PFKFB3: variants seen among roughly 807,000 people sequenced by gnomAD.
The protein encoded by PFKFB3 is 6-phosphofructo-2-kinase/fructose-2,6-biphosphatase 3.
Under a neutral mutation model 68.0 loss-of-function variants are expected in PFKFB3, and 33 were observed. That is an observed-to-expected ratio of 0.49 (90% confidence interval 0.37 to 0.65). PFKFB3 has a LOEUF of 0.65. Among genes scored for constraint, PFKFB3 ranks in the 30% least tolerant of loss-of-function variants. PFKFB3 has a pLI of 0.00. For missense variants in PFKFB3, 586 were observed against 712.2 expected (o/e 0.82, Z 2.02); for synonymous variants, 315 against 288.2 (o/e 1.09, Z -0.94).
downstream of PFKFB3, among the ~76,000 whole-genome samples, chr10:6,256,814 T>C (rs1352267772): frequency 6.6e-6 from 1 of 152,198 alleles, no homozygotes; most frequent in Non-Finnish European, 1.5e-5. Context: ...GTTCAGATCA[T>C]TGCTGTGGTG....
downstream of PFKFB3, among the ~76,000 whole-genome samples, chr10:6,238,326 G>A (rs1051096762): frequency 1.3e-5 from 2 of 151,666 alleles, no homozygotes; most frequent in East Asian, 1.9e-4. Flanking sequence ...CACTAAGCCC[G>A]GCTAAGTTTT....
intron 1 of PFKFB3, among the ~76,000 whole-genome samples, chr10:6,186,542 G>A (rs1445039352): frequency 1.3e-5 from 2 of 152,196 alleles, no homozygotes; most frequent in Admixed American, 6.5e-5. Flanking sequence ...GTTATCAGGG[G>A]AAACTGAATT....
chr10:6,314,298 G>C, the PFKFB3 span, among the ~76,000 whole-genome samples: 1 of 152,164 alleles, frequency 6.6e-6, no homozygotes, highest in African/African-American at 2.4e-5. Flanking sequence ...GTTCATTGCA[G>C]AAAAATCAGA....
Position 6,216,828 on chromosome 10 carries a change from A to G in PFKFB3, c.441+48A>G, listed in dbSNP as rs530011157. On this transcript the variant is annotated intron_variant, in intron 5 of 14. Transcript: ENST00000379775. ...TGCTAGAGGGCTCGGGAGAGAGGAA[A>G]AGGCTTCAGGAAGCGGCCTGAGTCC... 19 of 1,425,022 alleles carry G rather than the reference A, an allele frequency of 1.3e-5. No individual in the cohort carries two copies. The South Asian group carries it at 2.1e-4, about 16-fold the overall frequency. 88.3% of individuals were successfully genotyped at this position (1,425,022 alleles called of 1,614,324 possible).
chr10:6,170,352 C>A (rs76522118), intron 1 of PFKFB3, among the ~76,000 whole-genome samples: 1 of 152,150 alleles, frequency 6.6e-6, no homozygotes, highest in Non-Finnish European at 1.5e-5. Context: ...TAGACTCACT[C>A]GTTCCCCCAC....
rs1232834393 is a variant in PFKFB3, at chr10:6,228,787, T to A, written c.1515+2422T>A. ...CCGAGTGGAGACCCTTGGGGATCCGTTTGTCCTGGGTTGGAGCCTGCTCAG... is the reference window on the plus strand; with the variant it reads ...CCGAGTGGAGACCCTTGGGGATCCGATTGTCCTGGGTTGGAGCCTGCTCAG... On this transcript the variant is annotated intron_variant, in intron 14 of 14. Coordinates refer to ENST00000379775, the MANE Select transcript of PFKFB3 (RefSeq NM_004566.4). This position sits in a 1 kb window ranked among gnomAD's most constrained non-coding sequence, Gnocchi z 4.5. Among the ~76,000 whole-genome samples the A allele has an allele frequency of 6.6e-6, 1 of 152,180 alleles. No homozygotes were observed. The highest frequency in any genetic ancestry group is 2.4e-5 in the African/African-American group (1 of 41,446).
downstream of PFKFB3, among the ~76,000 whole-genome samples, chr10:6,239,859 A>T (rs983502355): frequency 6.6e-6 from 1 of 152,072 alleles, no homozygotes; most frequent in Non-Finnish European, 1.5e-5. Context: ...TTTTTAGTAG[A>T]GATGGGGTTT....
chr10:6,163,680 ACGGGGGCGTGGCGGGACCGG>A (rs145248506), intron 1 of PFKFB3, among the ~76,000 whole-genome samples: 32,264 of 151,876 alleles, frequency 0.21, 4,141 homozygotes, highest in African/African-American at 0.35. Flanking sequence ...TGCGGGCCCG[ACGGGGGCGTGGCGGGACCGG>A]CGGGGGCGGG....
chr10:6,146,584 C>G (rs1470069615), intron 1 of PFKFB3: 1 of 1,267,950 alleles, frequency 7.9e-7, no homozygotes, highest in Non-Finnish European at 1.1e-6. Flanking sequence ...AGGGGACAAT[C>G]ATTTATCTCT....
At chr10:6,194,303 C>T (rs1459655648) in intron 1 of PFKFB3, among the ~76,000 whole-genome samples, 1 of 152,216 alleles carries the variant, frequency 6.6e-6, no homozygotes, top group Non-Finnish European at 1.5e-5. Flanking sequence ...GCAGAGGTTC[C>T]CTGGAATTGC....
At position 6,233,170 on chromosome 10, in the gene PFKFB3, C is replaced by A; in HGVS notation, c.*228C>A. The A allele has an allele frequency of 1.9e-6, 1 of 540,110 alleles. No individual in the cohort carries two copies. Among genetic ancestry groups the A allele is most frequent in the Non-Finnish European group, 3.3e-6 (1 of 301,646 alleles). 33.5% of individuals were successfully genotyped at this position (540,110 alleles called of 1,614,324 possible). On this transcript the variant is annotated 3_prime_UTR_variant, in exon 15 of 15. Coordinates refer to ENST00000379775, the MANE Select transcript of PFKFB3 (RefSeq NM_004566.4). ...GGCGCCCTGCCTTTAGCCGTGGGGCCCCCACCTCCACTCTCTGGGTTTCCT... is the reference window on the plus strand; with the variant it reads ...GGCGCCCTGCCTTTAGCCGTGGGGCACCCACCTCCACTCTCTGGGTTTCCT...
the PFKFB3 span, chr10:6,294,704 A>T: frequency 6.2e-6 from 1 of 160,734 alleles, no homozygotes; most frequent in East Asian, 1.6e-4. Context: ...ATTCTTCTAG[A>T]CCACAAGGAC....
chr10:6,191,704 G>A (rs1843027002), intron 1 of PFKFB3, among the ~76,000 whole-genome samples: 2 of 152,140 alleles, frequency 1.3e-5, no homozygotes, highest in Non-Finnish European at 2.9e-5. Context: ...TGCATTTGCC[G>A]TCCCTCTGGC....
chr10:6,157,079 G>A (rs1282261540), intron 1 of PFKFB3, among the ~76,000 whole-genome samples: 3 of 151,276 alleles, frequency 2.0e-5, no homozygotes, highest in Non-Finnish European at 2.9e-5. Flanking sequence ...GCCACAGAGC[G>A]AGACTCCATC....
At chr10:6,166,842 T>TTTTTTTGTC (rs1491229519) in intron 1 of PFKFB3, among the ~76,000 whole-genome samples, 1 of 111,954 alleles carries the variant, frequency 8.9e-6, no homozygotes, top group African/African-American at 3.1e-5. Flanking sequence ...TTTTTTTTTT[T>TTTTTTTGTC]ATTTGAGACA....
At chr10:6,283,036 G>T in the PFKFB3 span, among the ~76,000 whole-genome samples, 1 of 152,188 alleles carries the variant, frequency 6.6e-6, no homozygotes, top group Non-Finnish European at 1.5e-5. Flanking sequence ...CACGATCTTG[G>T]CTCACTGCAA....
downstream of PFKFB3, among the ~76,000 whole-genome samples, chr10:6,238,941 T>A (rs1846082990): frequency 1.3e-5 from 2 of 152,202 alleles, no homozygotes; most frequent in Non-Finnish European, 2.9e-5. Flanking sequence ...GGTGTGTATG[T>A]ACCACATTTT....
At chr10:6,202,207 C>T (rs1020961151), upstream of PFKFB3, among the ~76,000 whole-genome samples, 1 of 152,210 alleles carries the variant, frequency 6.6e-6, no homozygotes, top group Non-Finnish European at 1.5e-5. Context: ...CCGGGGCTTT[C>T]CCGCCCCCTC....
chr10:6,270,087 G>A, the PFKFB3 span, among the ~76,000 whole-genome samples: 4 of 152,204 alleles, frequency 2.6e-5, no homozygotes, highest in Admixed American at 6.5e-5. Flanking sequence ...AGCCGAGATC[G>A]CGCCATTGTA....
Sources: gnomAD v4.1 joint callset for allele counts (sites outside exome capture counted in the v4.1 genomes callset) on GRCh38, gnomAD v4.1.1 for gene constraint, Gnocchi (gnomAD v3.1) non-coding constraint, MANE v1.5 for transcripts, NCBI Gene and HGNC (gene_info 2026-07-23, HGNC 2026-07-21) for gene names.